The following COL9A1 variants were observed in gnomAD, a reference collection of about 807,000 sequenced individuals.
The protein encoded by COL9A1 is collagen type IX alpha 1 chain.
Under a neutral mutation model 142.6 loss-of-function variants are expected in COL9A1, and 104 were observed. That is an observed-to-expected ratio of 0.73 (90% confidence interval 0.62 to 0.86). COL9A1 has a LOEUF of 0.86. Ranked by LOEUF, COL9A1 falls within the 40% of genes least tolerant of loss-of-function variation. COL9A1 has a pLI of 0.00. For synonymous variants in COL9A1, 466 were observed against 396.0 expected (o/e 1.18, Z -2.10); for missense variants, 1,210 against 1,176.6 (o/e 1.03, Z -0.42).
At chr6:70,217,219 T>TTGG (rs1768579843) in intron 37 of COL9A1, 138 bp from the exon 38 acceptor site, 1 of 753,848 alleles carries the variant, frequency 1.3e-6, no homozygotes, top group Non-Finnish European at 2.3e-6. Context: ...CTGGTGATGA[T>TTGG]TGGTGATGAT....
chr6:70,277,683 T>C (rs1380737181), intron 10 of COL9A1, among the ~76,000 whole-genome samples: 1 of 152,242 alleles, frequency 6.6e-6, no homozygotes. Flanking sequence ...TCTACAAGCA[T>C]GACTGCTATG....
chr6:70,232,918 T>C lies in COL9A1; in HGVS notation c.2315-147A>G. 3 of 859,656 alleles carry C rather than the reference T, an allele frequency of 3.5e-6. 1 individual carries two copies. Among genetic ancestry groups the C allele is most frequent in the Non-Finnish European group, 5.7e-6 (3 of 526,830 alleles). The allele number at this position is 859,656 out of a possible 1,614,324, so 53.3% of individuals were successfully genotyped here. ...GTAAGAAATGAATAAAGTTGGATAA[T>C]TTCTCTGTGGGCTTTCTGCCAGAAA... On this transcript the variant is annotated intron_variant, in intron 35 of 37. Transcript: ENST00000357250.
Position 70,302,224 on chromosome 6 carries a change from T to G in COL9A1, c.15-150A>C, listed in dbSNP as rs558813616. 1.3e-3 allele frequency: 786 copies of G among 614,440 alleles called. 10 individuals carry two copies. The highest frequency in any genetic ancestry group is 9.8e-4 in the Non-Finnish European group (355 of 362,628). 38.1% of individuals were successfully genotyped at this position (614,440 alleles called of 1,614,324 possible). On this transcript the variant is annotated intron_variant, in intron 1 of 37. Coordinates refer to ENST00000357250, the MANE Select transcript of COL9A1 (RefSeq NM_001851.6). Reference sequence around the variant, plus strand: ...CATTTCTTTTTTTTTTTTTTTTTTTTTTTGAGACGGAGTCTCGCTCTGTCA... The same window carrying G: ...CATTTCTTTTTTTTTTTTTTTTTTTGTTTGAGACGGAGTCTCGCTCTGTCA...
intron 28 of COL9A1, among the ~76,000 whole-genome samples, chr6:70,251,288 T>C (rs72923164): frequency 0.13 from 20,006 of 152,170 alleles, 1,591 homozygotes; most frequent in Non-Finnish European, 0.18. Context: ...CTCATGTCTG[T>C]AATCCCAACA....
intron 30 of COL9A1, 127 bp downstream of exon 30, chr6:70,241,837 T>C (rs1770279312): frequency 1.9e-5 from 16 of 822,818 alleles, no homozygotes; most frequent in South Asian, 1.9e-4. Flanking sequence ...TTAAAATATC[T>C]TTCTTGATAG....
At chr6:70,286,186 C>T (rs1773444741) in intron 5 of COL9A1, among the ~76,000 whole-genome samples, 1 of 152,166 alleles carries the variant, frequency 6.6e-6, no homozygotes, top group African/African-American at 2.4e-5. Context: ...CCGAATCTGG[C>T]CTATTCAATT....
chr6:70,250,249 A>G (rs1441937578), intron 28 of COL9A1, among the ~76,000 whole-genome samples: 1 of 152,152 alleles, frequency 6.6e-6, no homozygotes, highest in Non-Finnish European at 1.5e-5. Context: ...CAACAGAGTG[A>G]GACTCTGTTT....
intron 7 of COL9A1, among the ~76,000 whole-genome samples, chr6:70,282,144 G>A (rs953892512): frequency 3.9e-5 from 6 of 152,202 alleles, no homozygotes; most frequent in African/African-American, 1.2e-4. Flanking sequence ...TGGTGCTAGA[G>A]GGAATGCTGG....
chr6:70,236,566 T>C (rs1296002864), intron 33 of COL9A1, among the ~76,000 whole-genome samples: 2 of 152,210 alleles, frequency 1.3e-5, no homozygotes, highest in Non-Finnish European at 1.5e-5. Flanking sequence ...TTCAAACAAA[T>C]ACTTTAAACT....
chr6:70,297,896 A>T (rs943434145), intron 4 of COL9A1, among the ~76,000 whole-genome samples: 1 of 152,230 alleles, frequency 6.6e-6, no homozygotes, highest in Admixed American at 6.5e-5. Flanking sequence ...TTCAAAAAAA[A>T]AATAGAAAAG....
intron 37 of COL9A1, among the ~76,000 whole-genome samples, chr6:70,218,871 A>G (rs1340310462): frequency 6.6e-6 from 1 of 152,202 alleles, no homozygotes; most frequent in African/African-American, 2.4e-5. Flanking sequence ...AATAAGTTTT[A>G]AGGGAGAATA....
At chr6:70,278,314 A>G (rs1772900749) in intron 10 of COL9A1, among the ~76,000 whole-genome samples, 1 of 152,194 alleles carries the variant, frequency 6.6e-6, no homozygotes, top group Non-Finnish European at 1.5e-5. Flanking sequence ...TGGGGAGTCT[A>G]AAAATCAAGA....
intron 10 of COL9A1, chr6:70,280,081 A>AT: frequency 1.5e-6 from 1 of 671,640 alleles, no homozygotes; most frequent in Non-Finnish European, 2.8e-6. Flanking sequence ...TCCTGAAGTC[A>AT]TTTTACTCTG....
intron 1 of COL9A1, 60 bp from the exon 2 acceptor site, chr6:70,302,134 C>T: frequency 2.8e-6 from 3 of 1,072,292 alleles, no homozygotes; most frequent in Non-Finnish European, 4.3e-6. Context: ...AAAACACTTC[C>T]ATATTTTCAA....
At chr6:70,224,633 T>G (rs1769110932) in intron 37 of COL9A1, among the ~76,000 whole-genome samples, 1 of 152,190 alleles carries the variant, frequency 6.6e-6, no homozygotes, top group Non-Finnish European at 1.5e-5. Flanking sequence ...AAACTTCCTA[T>G]TCCTACTACT....
In COL9A1 at chr6:70,230,245, C is replaced by G. The variant is rs147878907; in HGVS notation, c.2503+2338G>C. ...ACTCCTGTTAATGTATGTGGTGGGA[C>G]AAGAAGAATCAAATCCAGCTACCTA... On this transcript the variant is annotated intron_variant, in intron 36 of 37. Transcript: ENST00000357250. Among the ~76,000 whole-genome samples, 376 of 152,202 alleles carry G rather than the reference C, an allele frequency of 2.5e-3. 1 individual carries two copies. Among genetic ancestry groups the G allele is most frequent in the African/African-American group, 8.5e-3 (351 of 41,516 alleles).
intron 21 of COL9A1, among the ~76,000 whole-genome samples, chr6:70,255,824 GTTGATATA>G (rs1386035958): frequency 1.9e-4 from 23 of 120,134 alleles, no homozygotes; most frequent in Non-Finnish European, 3.9e-5. Context: ...TCTAGCTAAT[GTTGATATA>G]CGTGATATAC....
intron 19 of COL9A1, among the ~76,000 whole-genome samples, chr6:70,261,392 G>A (rs1222814443): frequency 6.6e-6 from 1 of 152,172 alleles, no homozygotes; most frequent in African/African-American, 2.4e-5. Context: ...CATACTAGGA[G>A]GGATCCAGAA....
chr6:70,272,518 C>T (rs1374353523), intron 12 of COL9A1, among the ~76,000 whole-genome samples: 1 of 151,854 alleles, frequency 6.6e-6, no homozygotes, highest in Non-Finnish European at 1.5e-5. Context: ...TAGAAGTTCC[C>T]CAAACATTCA....
Sources: gnomAD v4.1 joint callset for allele counts (sites outside exome capture counted in the v4.1 genomes callset) on GRCh38, gnomAD v4.1.1 for gene constraint, MANE v1.5 for transcripts, NCBI Gene and HGNC (gene_info 2026-07-23, HGNC 2026-07-21) for gene names.